Variants in SGK3 observed in about 807,000 individuals in gnomAD.
SGK3 encodes serine/threonine-protein kinase Sgk3.
SGK3 carries 47 observed loss-of-function variants against 68.5 expected under a neutral mutation model. That is an observed-to-expected ratio of 0.69 (90% CI 0.54 to 0.87). The LOEUF (loss-of-function observed/expected upper bound fraction) is 0.87. Among genes scored for constraint, SGK3 ranks in the 40% least tolerant of loss-of-function variants. The pLI, the probability that SGK3 is intolerant of heterozygous loss-of-function variation, is 0.00. For synonymous variants in SGK3, 181 were observed against 189.1 expected (o/e 0.96, Z 0.35); for missense variants, 479 against 575.5 (o/e 0.83, Z 1.72).
chr8:66,830,936 A>G lies in SGK3; in HGVS notation c.468-318A>G, dbSNP rs73693612. Among the ~76,000 whole-genome samples, 530 of 152,326 alleles carry G rather than the reference A, an allele frequency of 3.5e-3. 4 individuals are homozygous for G. The highest frequency in any genetic ancestry group is 0.011 in the African/African-American group (470 of 41,584). ...AATAAAATTGGTTTAGATAGAAGCT[A>G]TTTCAAGTTCAAAACTCTACATATA... On this transcript the variant is annotated intron_variant, in intron 7 of 16. Coordinates refer to ENST00000521198, the MANE Select transcript of SGK3 (RefSeq NM_001033578.3).
intron 1 of SGK3, among the ~76,000 whole-genome samples, chr8:66,789,878 G>C (rs117300860): frequency 0.043 from 6,577 of 152,140 alleles, 209 homozygotes; most frequent in Non-Finnish European, 0.066. Context: ...AGAAGTTCGA[G>C]ACCAGCCTGG....
rs1477535620 is a variant in SGK3 at position 66,861,579 on chromosome 8, C to G, written c.*1998C>G. On this transcript the variant is annotated 3_prime_UTR_variant, in exon 17 of 17. Transcript: ENST00000521198. ...AACATTTTTGTAAAAGTTTAATGAC[C>G]CACTTTAGATGCTCCAAGAACAAGC... 2 of 151,754 alleles carry G rather than the reference C, an allele frequency of 1.3e-5. No homozygotes were observed. The highest frequency in any genetic ancestry group is 2.9e-5 in the Non-Finnish European group (2 of 67,940). The allele number at this position is 151,754 out of a possible 1,614,324, so 9.4% of individuals were successfully genotyped here. A position where few individuals can be genotyped will look rare whatever the true frequency, so the allele number is the denominator to read the frequency against.
intron 1 of SGK3, among the ~76,000 whole-genome samples, chr8:66,762,784 C>A (rs1806213099): frequency 1.3e-5 from 2 of 152,050 alleles, no homozygotes; most frequent in African/African-American, 4.8e-5. Context: ...ATAAAGAAAC[C>A]AGGTCATTTA....
chr8:66,732,201 G>T (rs745484733), intron 1 of SGK3, among the ~76,000 whole-genome samples: 25 of 152,200 alleles, frequency 1.6e-4, no homozygotes, highest in Non-Finnish European at 3.2e-4. Flanking sequence ...GAAAGGCCAT[G>T]TGAGATCTAG....
Position 66,835,953 on chromosome 8 carries a change from T to C in SGK3, c.620T>C (p.Ile207Thr). 3 of 1,613,658 alleles carry C rather than the reference T, an allele frequency of 1.9e-6. No homozygotes were observed. The highest frequency in any genetic ancestry group is 1.3e-5 in the African/African-American group (1 of 74,996). ...IVLNRKEQKH[I>T]MAERNVLLKN... ...TTGCCTTTTTTCCAGCAAAAACATA[T>C]TATGGCTGAACGTAATGTGCTCTTG... The change falls in exon 10 of 17, where the codon ATT (isoleucine) becomes ACT (threonine). Residue 207 changes from isoleucine (I) to threonine (T), a missense_variant. Transcript: ENST00000521198.
chr8:66,723,947 A>C (rs925790475), intron 1 of SGK3, among the ~76,000 whole-genome samples: 1 of 152,194 alleles, frequency 6.6e-6, no homozygotes, highest in African/African-American at 2.4e-5. Flanking sequence ...GATGAAAGAC[A>C]AGATAGTCCA....
intron 8 of SGK3, 35 bp from the exon 9 acceptor site, chr8:66,835,728 T>G (rs1169863150): frequency 1.3e-6 from 2 of 1,577,928 alleles, no homozygotes. Flanking sequence ...AATTTGAAAT[T>G]TCTAATAGTA....
At chr8:66,798,225 C>G (rs374619273) in intron 2 of SGK3, among the ~76,000 whole-genome samples, 1 of 151,976 alleles carries the variant, frequency 6.6e-6, no homozygotes, top group African/African-American at 2.4e-5. Flanking sequence ...CCAGGCTGGT[C>G]TCCAGCTCCT....
In SGK3 at chr8:66,783,397, CTG is replaced by C. The variant is rs143996630; in HGVS notation, c.-121-10216_-121-10215del. ...TCTTCTGCAAATGTTTTCTTCCAGT[CTG>C]TGGTTTGTCTTCTCATTCTCTTCAT... On this transcript the variant is annotated intron_variant, in intron 1 of 16. Transcript: ENST00000521198. Among the ~76,000 whole-genome samples, 1,429 of 152,244 alleles carry C rather than the reference CTG, an allele frequency of 9.4e-3. 20 individuals carry two copies. The highest frequency in any genetic ancestry group is 0.032 in the African/African-American group (1,331 of 41,538).
At position 66,856,446 on chromosome 8, in the gene SGK3, T is replaced by C. The variant is rs573165415; in HGVS notation, c.1321-2965T>C. Among the ~76,000 whole-genome samples the C allele has an allele frequency of 9.2e-5, 14 of 152,268 alleles. No individual in the cohort carries two copies. The South Asian group carries it at 2.9e-3, about 32-fold the overall frequency. On this transcript the variant is annotated intron_variant, in intron 16 of 16. Transcript: ENST00000521198. ...TGTTTGGGACCAGAAGTGTTTTGGA[T>C]TTGGGATTGTTTTTTGGATTTTTGG...
intron 1 of SGK3, among the ~76,000 whole-genome samples, chr8:66,786,010 A>G (rs1312867469): frequency 6.6e-6 from 1 of 152,208 alleles, no homozygotes; most frequent in Non-Finnish European, 1.5e-5. Flanking sequence ...CCCATGAATG[A>G]CATAGCTTTT....
At chr8:66,818,132 CA>C (rs532062180) in intron 5 of SGK3, among the ~76,000 whole-genome samples, 1 of 151,406 alleles carries the variant, frequency 6.6e-6, no homozygotes, top group African/African-American at 2.4e-5. Context: ...ACAGCAAAAG[CA>C]AAAAAACAAA....
At chr8:66,774,861 T>A (rs941835962) in intron 1 of SGK3, among the ~76,000 whole-genome samples, 1 of 151,760 alleles carries the variant, frequency 6.6e-6, no homozygotes, top group African/African-American at 2.4e-5. Context: ...GAAAATGAGA[T>A]TATGCCAGTG....
Position 66,846,375 on chromosome 8 carries a change from C to G in SGK3, c.1075-818C>G, listed in dbSNP as rs530988325. Among the ~76,000 whole-genome samples, 248 of 152,232 alleles carry G rather than the reference C, an allele frequency of 1.6e-3. 1 individual carries two copies. Among genetic ancestry groups the G allele is most frequent in the Non-Finnish European group, 2.4e-3 (164 of 68,006 alleles). On this transcript the variant is annotated intron_variant, in intron 14 of 16. Coordinates refer to ENST00000521198, the MANE Select transcript of SGK3 (RefSeq NM_001033578.3). ...TGTTGCCCAGGCTGGAGTGCAGTGG[C>G]GCAATCTCAGCTCACTGCATCCTCC...
intron 15 of SGK3, among the ~76,000 whole-genome samples, chr8:66,848,096 CT>C (rs985239610): frequency 5.9e-5 from 9 of 152,272 alleles, no homozygotes; most frequent in Admixed American, 5.9e-4. Flanking sequence ...GAATAAAAGA[CT>C]TTGCTGCTAC....
At chr8:66,844,465 T>C (rs1224832222) in intron 14 of SGK3, among the ~76,000 whole-genome samples, 1 of 152,186 alleles carries the variant, frequency 6.6e-6, no homozygotes, top group Non-Finnish European at 1.5e-5. Context: ...GAGAATAAAG[T>C]TTTTTCACTA....
intron 1 of SGK3, among the ~76,000 whole-genome samples, chr8:66,755,839 C>T (rs1407168730): frequency 1.3e-5 from 2 of 152,004 alleles, no homozygotes; most frequent in African/African-American, 2.4e-5. Context: ...AGTGTAGGCT[C>T]CTATGTGAGT....
At chr8:66,746,414 A>G (rs1805656380) in intron 1 of SGK3, among the ~76,000 whole-genome samples, 1 of 152,136 alleles carries the variant, frequency 6.6e-6, no homozygotes, top group Admixed American at 6.6e-5. Flanking sequence ...TGTCTACATC[A>G]TTTAAAATGG....
chr8:66,841,626 C>A (rs1411254556), intron 13 of SGK3, among the ~76,000 whole-genome samples: 1 of 152,104 alleles, frequency 6.6e-6, no homozygotes, highest in Non-Finnish European at 1.5e-5. Flanking sequence ...TAACACTTGA[C>A]TATATCTCAG....
Sources: gnomAD v4.1 joint callset for allele counts (sites outside exome capture counted in the v4.1 genomes callset) on GRCh38, gnomAD v4.1.1 for gene constraint, MANE v1.5 for transcripts, NCBI Gene and HGNC (gene_info 2026-07-23, HGNC 2026-07-21) for gene names.